The following ENTPD1 variants were observed in gnomAD, a reference collection of about 807,000 sequenced individuals.
ENTPD1 encodes the protein ATP diphosphohydrolase.
Under a neutral mutation model 57.0 loss-of-function variants are expected in ENTPD1, and 33 were observed. That is an observed-to-expected ratio of 0.58 (90% CI 0.44 to 0.77). ENTPD1 has a LOEUF of 0.77. Ranked by LOEUF, ENTPD1 falls within the 30% of genes least tolerant of loss-of-function variation. ENTPD1 has a pLI of 0.00. For missense variants in ENTPD1, 501 were observed against 603.4 expected (o/e 0.83, Z 1.78); for synonymous variants, 202 against 218.8 (o/e 0.92, Z 0.68).
rs1190848526 is a variant in ENTPD1, at chr10:95,866,853, A to T, written c.*470A>T. On this transcript the variant is annotated 3_prime_UTR_variant, in exon 10 of 10. Coordinates refer to ENST00000371205, the MANE Select transcript of ENTPD1 (RefSeq NM_001776.6). ...AGAAAGCCATATGATGCCTTTGGAG[A>T]AGGCAGACACACATTCCATTCCCAG... 1 of 1,044,418 alleles carries T rather than the reference A, an allele frequency of 9.6e-7. No homozygotes were observed. Among genetic ancestry groups the T allele is most frequent in the Non-Finnish European group, 1.2e-6 (1 of 865,362 alleles). The allele number at this position is 1,044,418 out of a possible 1,614,324, so 64.7% of individuals were successfully genotyped here.
rs552530120 is a variant in ENTPD1 at position 95,790,286 on chromosome 10, T to C, written c.17-32951T>C. Among the ~76,000 whole-genome samples, 6 of 152,340 alleles carry C rather than the reference T, an allele frequency of 3.9e-5. No individual in the cohort carries two copies. The South Asian group carries it at 1.2e-3, about 32-fold the overall frequency. ...TTTCTTAATAACATTTTCTTTTATGTAGCTTACTTTATTGTAAGAATACAC... is the reference window on the plus strand; with the variant it reads ...TTTCTTAATAACATTTTCTTTTATGCAGCTTACTTTATTGTAAGAATACAC... On this transcript the variant is annotated intron_variant, in intron 1 of 9. Coordinates refer to ENST00000371205, the MANE Select transcript of ENTPD1 (RefSeq NM_001776.6).
intron 1 of ENTPD1, among the ~76,000 whole-genome samples, chr10:95,796,170 T>C (rs1039287016): frequency 1.3e-5 from 2 of 152,186 alleles, no homozygotes; most frequent in African/African-American, 4.8e-5. Context: ...AACTGACATA[T>C]GTAACACTGC....
intron 1 of ENTPD1, among the ~76,000 whole-genome samples, chr10:95,726,705 A>T (rs1306650963): frequency 6.6e-6 from 1 of 152,182 alleles, no homozygotes; most frequent in East Asian, 1.9e-4. Flanking sequence ...AAGATATTTT[A>T]TTTGTCTTTA....
At chr10:95,809,916 T>TGGTG (rs2098295620) in intron 1 of ENTPD1, among the ~76,000 whole-genome samples, 1 of 123,418 alleles carries the variant, frequency 8.1e-6, no homozygotes, top group South Asian at 3.0e-4. Flanking sequence ...ACGGGGCAGC[T>TGGTG]GCCGGGCAGA....
chr10:95,766,325 T>G (rs892051905), intron 1 of ENTPD1, among the ~76,000 whole-genome samples: 1 of 152,216 alleles, frequency 6.6e-6, no homozygotes, highest in Non-Finnish European at 1.5e-5. Flanking sequence ...GATAGAATAC[T>G]TTCAATTGTA....
At chr10:95,758,930 G>A (rs1204660895) in intron 1 of ENTPD1, among the ~76,000 whole-genome samples, 1 of 152,168 alleles carries the variant, frequency 6.6e-6, no homozygotes, top group African/African-American at 2.4e-5. Context: ...CGTACTTATT[G>A]TGGGTCAGCT....
intron 1 of ENTPD1, among the ~76,000 whole-genome samples, chr10:95,777,380 C>A (rs2098138029): frequency 6.6e-6 from 1 of 152,212 alleles, no homozygotes; most frequent in African/African-American, 2.4e-5. Context: ...TTCCTTCTAA[C>A]AGTCAGGTCC....
In ENTPD1 at chr10:95,872,413, A is replaced by ATGAC; in HGVS notation, c.*6033_*6036dup. 2 of 985,460 alleles carry ATGAC rather than the reference A, an allele frequency of 2.0e-6. No homozygotes were observed. Among genetic ancestry groups the ATGAC allele is most frequent in the African/African-American group, 3.5e-5 (2 of 57,362 alleles). The allele number at this position is 985,460 out of a possible 1,614,324, so 61.0% of individuals were successfully genotyped here. ...CTATACTACACTACAGCCAGGTAGA[A>ATGAC]TGACTGTTCACCCAACACCACTCAG... is the stretch of plus-strand genomic sequence containing the variant. On this transcript the variant is annotated 3_prime_UTR_variant, in exon 10 of 10. Coordinates refer to ENST00000371205, the MANE Select transcript of ENTPD1 (RefSeq NM_001776.6).
At chr10:95,694,360 G>A in the ENTPD1 span, among the ~76,000 whole-genome samples, 18 of 152,030 alleles carry the variant, frequency 1.2e-4, no homozygotes, top group Non-Finnish European at 5.9e-5. Context: ...GTTCTCAGGT[G>A]GGGGAAACAC....
intron 1 of ENTPD1, among the ~76,000 whole-genome samples, chr10:95,715,297 C>T (rs76753138): frequency 2.6e-4 from 40 of 152,246 alleles, no homozygotes; most frequent in African/African-American, 9.4e-4. Context: ...GATGTATTAA[C>T]CTTTTTATTA....
chr10:95,701,301 A>G, the ENTPD1 span, among the ~76,000 whole-genome samples: 59 of 152,362 alleles, frequency 3.9e-4, no homozygotes, highest in African/African-American at 1.3e-3. Flanking sequence ...CTCTAAAAAT[A>G]TAAAGATAAA....
chr10:95,761,496 A>G (rs556117993), intron 1 of ENTPD1, among the ~76,000 whole-genome samples: 28 of 152,268 alleles, frequency 1.8e-4, no homozygotes, highest in African/African-American at 6.5e-4. Flanking sequence ...TTGGTACTAA[A>G]TGACCAAGCT....
intron 1 of ENTPD1, among the ~76,000 whole-genome samples, chr10:95,760,186 A>G (rs1243286483): frequency 2.0e-5 from 3 of 152,228 alleles, no homozygotes; most frequent in Non-Finnish European, 4.4e-5. Flanking sequence ...AAAATAAAAA[A>G]TAATAATACA....
At chr10:95,833,216 A>T (rs1311968019) in intron 2 of ENTPD1, among the ~76,000 whole-genome samples, 1 of 152,226 alleles carries the variant, frequency 6.6e-6, no homozygotes, top group Non-Finnish European at 1.5e-5. Context: ...GTTGCACAAC[A>T]ATGTGAATAT....
chr10:95,829,416 G>A (rs117536300), intron 2 of ENTPD1, among the ~76,000 whole-genome samples: 11 of 152,344 alleles, frequency 7.2e-5, no homozygotes, highest in East Asian at 5.8e-4. Flanking sequence ...AGGTTTGCAC[G>A]TGTGTCAGAG....
chr10:95,869,245 T>A lies in ENTPD1; in HGVS notation c.*2862T>A. The A allele has an allele frequency of 1.9e-5, 7 of 369,084 alleles. No homozygotes were observed. The highest frequency in any genetic ancestry group is 2.6e-5 in the African/African-American group (1 of 38,898). 22.9% of individuals were successfully genotyped at this position (369,084 alleles called of 1,614,324 possible). ...AAAGATCAGCAGAAGTCATTACTTT[T>A]TTTTTTTTTTTTTTTTTTTTTTGAG... On this transcript the variant is annotated 3_prime_UTR_variant, in exon 10 of 10. Transcript: ENST00000371205.
intron 1 of ENTPD1, among the ~76,000 whole-genome samples, chr10:95,779,053 G>T (rs1409307000): frequency 6.6e-6 from 1 of 152,128 alleles, no homozygotes; most frequent in Non-Finnish European, 1.5e-5. Flanking sequence ...ATTCTCTGTT[G>T]AATCCTTAAA....
chr10:95,839,524 T>C, intron 2 of ENTPD1, 167 bp from the exon 3 acceptor site: 1 of 739,198 alleles, frequency 1.4e-6, no homozygotes, highest in Non-Finnish European at 2.4e-6. Flanking sequence ...GCAGGGTTGT[T>C]GTCCTGGTAG....
At position 95,825,970 on chromosome 10, in the gene ENTPD1, G is replaced by A. The variant is rs570234931; in HGVS notation, c.144+2606G>A. On this transcript the variant is annotated intron_variant, in intron 2 of 9. Coordinates refer to ENST00000371205, the MANE Select transcript of ENTPD1 (RefSeq NM_001776.6). ...TTCATTTTTTATAAATTTATGCATCGACAATTATTTATTACACTCCAGTCT... is the reference window on the plus strand; with the variant it reads ...TTCATTTTTTATAAATTTATGCATCAACAATTATTTATTACACTCCAGTCT... 1.2e-4 allele frequency among the ~76,000 whole-genome samples: 19 copies of A among 152,088 alleles called. No homozygotes were observed. The South Asian group carries it at 3.3e-3, about 27-fold the overall frequency.
Sources: allele counts gnomAD v4.1 joint callset (sites outside exome capture counted in the v4.1 genomes callset), GRCh38; gene constraint gnomAD v4.1.1; transcripts MANE v1.5; gene names NCBI Gene and HGNC (gene_info 2026-07-23, HGNC 2026-07-21).